Variants in MCOLN3 observed in about 807,000 individuals in gnomAD.
MCOLN3 encodes the protein mucolipin-3.
MCOLN3 carries 62 observed loss-of-function variants against 69.4 expected under a neutral mutation model. The ratio of observed to expected loss-of-function variants is 0.89; its 90% confidence interval spans 0.73 to 1.10. The LOEUF is 1.10. MCOLN3 is among the 50% of genes least tolerant of loss of function. The pLI, the probability that MCOLN3 is intolerant of heterozygous loss-of-function variation, is 0.00. For synonymous variants in MCOLN3, 183 were observed against 217.0 expected (o/e 0.84, Z 1.38); for missense variants, 564 against 656.4 (o/e 0.86, Z 1.54).
At chr1:85,043,529 CA>C (rs11409671) in intron 2 of MCOLN3, among the ~76,000 whole-genome samples, 140 of 141,432 alleles carry the variant, frequency 9.9e-4, no homozygotes, top group African/African-American at 2.6e-3. Context: ...GACTCCATCT[CA>C]AAAAAAAAAA....
At chr1:85,035,094 C>T (rs910674975) in intron 3 of MCOLN3, among the ~76,000 whole-genome samples, 2 of 152,152 alleles carry the variant, frequency 1.3e-5, no homozygotes, top group Non-Finnish European at 2.9e-5. Flanking sequence ...AATCTGATGC[C>T]TAGTTCTCAG....
intron 12 of MCOLN3, among the ~76,000 whole-genome samples, chr1:85,019,638 G>A (rs1571081851): frequency 1.3e-5 from 2 of 152,198 alleles, no homozygotes; most frequent in South Asian, 4.1e-4. Context: ...ATTTTTGAAG[G>A]AACATGGTTC....
chr1:85,022,158 T>C lies in MCOLN3; in HGVS notation c.1232A>G (p.Asn411Ser). Reference sequence around the variant, plus strand: ...TGCACAGCAGCAGAACCTGATGACATTGGGCAGCGCTGCCTGAAGGGTCAA... The same window carrying C: ...TGCACAGCAGCAGAACCTGATGACACTGGGCAGCGCTGCCTGAAGGGTCAA... ...LILTLQAALP[N>S]VIRFCCCAAM... Residue 411 changes from asparagine to serine, a missense_variant, in exon 11 of 13, where the codon AAT becomes AGT. Asn to Ser is a conservative substitution (Grantham distance 46). Transcript: ENST00000370589. 1 of 1,614,094 alleles carries C rather than the reference T, an allele frequency of 6.2e-7. No individual in the cohort carries two copies. Among genetic ancestry groups the C allele is most frequent in the Non-Finnish European group, 8.5e-7 (1 of 1,179,964 alleles).
At chr1:85,036,317 G>A (rs925168602) in intron 3 of MCOLN3, among the ~76,000 whole-genome samples, 3 of 151,994 alleles carry the variant, frequency 2.0e-5, no homozygotes, top group Non-Finnish European at 4.4e-5. Context: ...TCAGCCTCCT[G>A]AGTAGCTGGG....
chr1:85,021,037 A>C (rs774548122), intron 12 of MCOLN3, 33 bp downstream of exon 12: 1 of 1,501,938 alleles, frequency 6.7e-7, no homozygotes, highest in Admixed American at 1.8e-5. Context: ...GTTATAGGAC[A>C]ATGCTACTAC....
intron 9 of MCOLN3, among the ~76,000 whole-genome samples, chr1:85,023,967 G>A (rs1328135695): frequency 6.6e-6 from 1 of 152,270 alleles, no homozygotes; most frequent in African/African-American, 2.4e-5. Flanking sequence ...GGACTTATCA[G>A]CATGAGAGGA....
At chr1:85,021,376 C>G (rs1651932684) in intron 11 of MCOLN3, 100 bp from the exon 12 acceptor site, 1 of 933,048 alleles carries the variant, frequency 1.1e-6, no homozygotes, top group East Asian at 2.5e-5. Flanking sequence ...ACCAGATAAC[C>G]CAAGCTACCA....
intron 5 of MCOLN3, 29 bp from the exon 6 acceptor site, chr1:85,032,821 T>C: frequency 6.2e-7 from 1 of 1,613,630 alleles, no homozygotes; most frequent in Non-Finnish European, 8.5e-7. Flanking sequence ...TTTAGTTCTG[T>C]GGCAATATAT....
rs200411792 is a variant in MCOLN3, at chr1:85,022,346, C to T, written c.1150G>A (p.Val384Met). 10 of 1,613,742 alleles carry T rather than the reference C, an allele frequency of 6.2e-6. No individual in the cohort carries two copies. The highest frequency in any genetic ancestry group is 1.3e-5 in the African/African-American group (1 of 74,912). ...SILLGTSTML[V>M]WLGVIRYLGF... ...AGGTATCGGATGACTCCAAGCCACA[C>T]GAGCATGGTAGAAGTCCCAAGAAGT... The change falls in exon 10 of 13, where the codon GTG (valine) becomes ATG (methionine). Residue 384 changes from valine (V) to methionine (M), a missense_variant. Physicochemically the swap from Val to Met is conservative, Grantham distance 21. Transcript: ENST00000370589.
In MCOLN3 at chr1:85,018,706, G is replaced by T; in HGVS notation, c.*417C>A. 6.3e-6 allele frequency: 1 copy of T among 158,792 alleles called. No individual in the cohort carries two copies. Among genetic ancestry groups the T allele is most frequent in the Non-Finnish European group, 1.4e-5 (1 of 72,608 alleles). 9.8% of individuals were successfully genotyped at this position (158,792 alleles called of 1,614,324 possible). The stretch of plus-strand genomic sequence containing the variant: ...TGATAACTACACCCACTCTCTCAAG[G>T]ATGGACTCCTGAGAGTGGTCCAAGC... On this transcript the variant is annotated 3_prime_UTR_variant, in exon 13 of 13. Transcript: ENST00000370589.
intron 3 of MCOLN3, among the ~76,000 whole-genome samples, chr1:85,040,482 T>C (rs781458291): frequency 1.8e-4 from 27 of 152,186 alleles, no homozygotes; most frequent in Non-Finnish European, 1.9e-4. Context: ...AAACTCAGAA[T>C]AAAATACAGC....
intron 3 of MCOLN3, among the ~76,000 whole-genome samples, chr1:85,035,958 T>G (rs1652780293): frequency 6.6e-6 from 1 of 152,244 alleles, no homozygotes; most frequent in Non-Finnish European, 1.5e-5. Context: ...TTTAGTCTGC[T>G]GTCTGCTTAC....
chr1:85,021,992 T>C (rs527678621), intron 11 of MCOLN3, 78 bp downstream of exon 11: 2 of 1,510,210 alleles, frequency 1.3e-6, no homozygotes, highest in South Asian at 2.6e-5. Context: ...TAAAAGGAGT[T>C]CATTGAAAAA....
Position 85,026,094 on chromosome 1 carries a change from G to A in MCOLN3, c.946-6C>T, listed in dbSNP as rs767607198. 1 of 1,608,610 alleles carries A rather than the reference G, an allele frequency of 6.2e-7. No homozygotes were observed. The highest frequency in any genetic ancestry group is 1.7e-5 in the Admixed American group (1 of 58,956). Reference sequence around the variant, plus strand: ...AGGAAAAAATTGACAAACTCCTTTAGGGAAAAGAGGGGAGGCACAGTGAAT... The same window carrying A: ...AGGAAAAAATTGACAAACTCCTTTAAGGAAAAGAGGGGAGGCACAGTGAAT... On this transcript the variant is annotated splice_region_variant and splice_polypyrimidine_tract_variant and intron_variant, in intron 8 of 12. Transcript: ENST00000370589.
intron 4 of MCOLN3, among the ~76,000 whole-genome samples, 175 bp from the exon 5 acceptor site, chr1:85,033,131 C>T (rs1343444230): frequency 6.6e-6 from 1 of 152,142 alleles, no homozygotes; most frequent in Non-Finnish European, 1.5e-5. Context: ...TACCGTGACT[C>T]ATGTGTTTTT....
intron 2 of MCOLN3, among the ~76,000 whole-genome samples, chr1:85,042,023 A>G (rs920498361): frequency 1.3e-5 from 2 of 151,964 alleles, no homozygotes; most frequent in South Asian, 4.1e-4. Flanking sequence ...CATGCTGTAC[A>G]TGCTGTAAAT....
chr1:85,023,262 G>A (rs908471052), intron 9 of MCOLN3: 30 of 151,676 alleles, frequency 2.0e-4, no homozygotes, highest in African/African-American at 7.0e-4. Context: ...TTAATTTTTT[G>A]TAGAGATGGG....
intron 6 of MCOLN3, among the ~76,000 whole-genome samples, chr1:85,030,400 G>C (rs1652450646): frequency 6.6e-6 from 1 of 152,118 alleles, no homozygotes; most frequent in African/African-American, 2.4e-5. Flanking sequence ...CAGTGAATTT[G>C]AAAATATAGC....
Position 85,048,493 on chromosome 1 carries a change from C to T in MCOLN3, c.-100G>A, listed in dbSNP as rs924475453. The T allele has an allele frequency of 1.0e-4, 16 of 152,454 alleles. No homozygotes were observed. The highest frequency in any genetic ancestry group is 3.9e-4 in the African/African-American group (16 of 41,440). The allele number at this position is 152,454 out of a possible 1,614,324, so 9.4% of individuals were successfully genotyped here. A position where few individuals can be genotyped will look rare whatever the true frequency, so the allele number is the denominator to read the frequency against. ...CCAGCAGCCTCGAGCCCCGCTCCGC[C>T]CAGAGTCAGACGGGAGGAGAGCGCC... On this transcript the variant is annotated 5_prime_UTR_variant, in exon 1 of 13. Transcript: ENST00000370589.
Sources: allele counts gnomAD v4.1 joint callset (sites outside exome capture counted in the v4.1 genomes callset), GRCh38; gene constraint gnomAD v4.1.1; transcripts MANE v1.5; gene names NCBI Gene and HGNC (gene_info 2026-07-23, HGNC 2026-07-21).